CDH12: variants seen among roughly 807,000 people sequenced by gnomAD.
CDH12 encodes the protein cadherin-12.
A neutral mutation model predicts 74.1 loss-of-function variants in CDH12; 41 were observed. The ratio of observed to expected loss-of-function variants is 0.55; its 90% confidence interval spans 0.43 to 0.72. The LOEUF (loss-of-function observed/expected upper bound fraction) is 0.72. CDH12 is among the 30% of genes least tolerant of loss of function. The pLI is 0.00. For synonymous variants in CDH12, 399 were observed against 355.0 expected, an observed-to-expected ratio of 1.12 and a Z score of -1.39; for missense variants, 945 against 977.2, an observed-to-expected ratio of 0.97 and a Z score of 0.44.
rs138385471 is a variant in CDH12 at position 22,426,337 on chromosome 5, T to C, written c.-427-20986A>G. The stretch of plus-strand genomic sequence containing the variant: ...TTTTATATTGTTTTATTTTATTTTT[T>C]ATATTGTTGTGTTTGTTTGTTATCA... On this transcript the variant is annotated intron_variant, in intron 2 of 14. Transcript: ENST00000382254. Among the ~76,000 whole-genome samples, 1,041 of 152,138 alleles carry C rather than the reference T, an allele frequency of 6.8e-3. 12 individuals carry two copies. Among genetic ancestry groups the C allele is most frequent in the African/African-American group, 0.024 (994 of 41,534 alleles).
At chr5:22,307,212 C>A (rs1738151495) in intron 3 of CDH12, among the ~76,000 whole-genome samples, 1 of 152,186 alleles carries the variant, frequency 6.6e-6, no homozygotes, top group Non-Finnish European at 1.5e-5. Context: ...AAGAGCATGG[C>A]TCTGAATTCC....
At chr5:21,951,954 C>T (rs1755882191) in intron 6 of CDH12, among the ~76,000 whole-genome samples, 1 of 152,054 alleles carries the variant, frequency 6.6e-6, no homozygotes, top group Non-Finnish European at 1.5e-5. Flanking sequence ...TAGAACTGAA[C>T]TGGCAGGAAA....
At chr5:22,317,328 TAAA>T (rs1435962694) in intron 3 of CDH12, among the ~76,000 whole-genome samples, 1 of 151,686 alleles carries the variant, frequency 6.6e-6, no homozygotes, top group South Asian at 2.1e-4. Context: ...AAAAAAAAAA[TAAA>T]AAAATTAAGC....
chr5:22,803,206 T>TA (rs1235275010), intron 1 of CDH12, among the ~76,000 whole-genome samples: 8 of 152,218 alleles, frequency 5.3e-5, no homozygotes, highest in African/African-American at 1.7e-4. Flanking sequence ...ATTTTCGTGT[T>TA]AGTCTTCCAC....
Position 22,229,137 on chromosome 5 carries a change from C to CT in CDH12, c.-332-16495dup, listed in dbSNP as rs1238818727. Among the ~76,000 whole-genome samples, 570 of 139,590 alleles carry CT rather than the reference C, an allele frequency of 4.1e-3. 5 individuals carry two copies. Among genetic ancestry groups the CT allele is most frequent in the African/African-American group, 0.012 (454 of 38,306 alleles). The allele number at this position is 139,590 out of a possible 152,430, so 91.6% of individuals were successfully genotyped here. On this transcript the variant is annotated intron_variant, in intron 3 of 14. Coordinates refer to ENST00000382254, the MANE Select transcript of CDH12 (RefSeq NM_004061.5). ...CCCAGTAAATTTACAAATCCTTTTT[C>CT]TTTTTTTTTTTTTAGTATATTCCAC... is the stretch of plus-strand genomic sequence containing the variant.
At chr5:22,410,543 A>G (rs1259194377) in intron 2 of CDH12, among the ~76,000 whole-genome samples, 1 of 152,078 alleles carries the variant, frequency 6.6e-6, no homozygotes, top group Non-Finnish European at 1.5e-5. Context: ...GGCTATCTAT[A>G]TTTTGTTGAT....
At chr5:21,771,513 T>C (rs966661074) in intron 11 of CDH12, among the ~76,000 whole-genome samples, 6 of 152,182 alleles carry the variant, frequency 3.9e-5, no homozygotes, top group African/African-American at 1.4e-4. Context: ...TCAAAGATTT[T>C]CTGATGGGCA....
chr5:22,708,104 G>C (rs1392787360), intron 1 of CDH12, among the ~76,000 whole-genome samples: 1 of 152,060 alleles, frequency 6.6e-6, no homozygotes, highest in Admixed American at 6.6e-5. Context: ...TAATATCTTA[G>C]AAAACTTGCA....
chr5:21,854,187 A>G (rs1750629821), intron 7 of CDH12, among the ~76,000 whole-genome samples: 1 of 151,636 alleles, frequency 6.6e-6, no homozygotes, highest in Non-Finnish European at 1.5e-5. Flanking sequence ...TGATTTTGGT[A>G]TTGCAAGATT....
At position 21,932,862 on chromosome 5, in the gene CDH12, C is replaced by T. The variant is rs545055803; in HGVS notation, c.526+42229G>A. Among the ~76,000 whole-genome samples, 180 of 150,402 alleles carry T rather than the reference C, an allele frequency of 1.2e-3. 1 individual carries two copies. The Middle Eastern group carries it at 0.014, about 11-fold the overall frequency. ...TTGCAATACTAGATAAAATCATGTA[C>T]AATTTTTAAAACATGTACATTGCCA... On this transcript the variant is annotated intron_variant, in intron 6 of 14. Coordinates refer to ENST00000382254, the MANE Select transcript of CDH12 (RefSeq NM_004061.5).
chr5:21,889,257 C>T (rs988703538), intron 6 of CDH12, among the ~76,000 whole-genome samples: 2 of 151,910 alleles, frequency 1.3e-5, no homozygotes, highest in African/African-American at 4.8e-5. Flanking sequence ...ATTTCCAAGC[C>T]AATAAAAAAG....
Position 22,059,345 on chromosome 5 carries a change from A to G in CDH12, c.231+19101T>C, listed in dbSNP as rs1382926633. Among the ~76,000 whole-genome samples the G allele has an allele frequency of 8.9e-3, 805 of 90,656 alleles. 7 individuals carry two copies. The highest frequency in any genetic ancestry group is 0.015 in the South Asian group (37 of 2,496). 59.5% of individuals were successfully genotyped at this position (90,656 alleles called of 152,430 possible). On this transcript the variant is annotated intron_variant, in intron 5 of 14. Coordinates refer to ENST00000382254, the MANE Select transcript of CDH12 (RefSeq NM_004061.5). ...TCTATCGTCTATCTATCATCTATCT[A>G]TCTATCTATCTATCTATCTATCTAT...
intron 3 of CDH12, among the ~76,000 whole-genome samples, chr5:22,352,340 T>C (rs1425483943): frequency 2.6e-5 from 4 of 152,180 alleles, no homozygotes; most frequent in African/African-American, 4.8e-5. Flanking sequence ...ACCTTTTTTT[T>C]CTTCTGATCT....
At chr5:22,056,555 T>C (rs1740757278) in intron 5 of CDH12, among the ~76,000 whole-genome samples, 1 of 152,176 alleles carries the variant, frequency 6.6e-6, no homozygotes. Flanking sequence ...TCGTTGAACA[T>C]AGATAGATTC....
chr5:21,915,925 G>A (rs970317632), intron 6 of CDH12, among the ~76,000 whole-genome samples: 6 of 137,874 alleles, frequency 4.4e-5, no homozygotes, highest in Middle Eastern at 7.6e-3. Context: ...AAGACCTAGA[G>A]GGAGGGGTAG....
chr5:22,276,869 C>G (rs988212105), intron 3 of CDH12, among the ~76,000 whole-genome samples: 1 of 151,986 alleles, frequency 6.6e-6, no homozygotes, highest in Non-Finnish European at 1.5e-5. Context: ...CACTTTATTT[C>G]AATAATGTAT....
intron 6 of CDH12, among the ~76,000 whole-genome samples, chr5:21,915,667 C>T (rs1754051933): frequency 6.6e-6 from 1 of 152,114 alleles, no homozygotes; most frequent in Non-Finnish European, 1.5e-5. Flanking sequence ...AGCCTACCAA[C>T]CAGTGGAGGG....
intron 2 of CDH12, among the ~76,000 whole-genome samples, chr5:22,496,884 T>C (rs1375043460): frequency 3.9e-5 from 6 of 152,166 alleles, no homozygotes; most frequent in Non-Finnish European, 8.8e-5. Context: ...TTCTTGGATA[T>C]CTATTCTCGT....
At chr5:22,633,517 G>C (rs1030265361) in intron 1 of CDH12, among the ~76,000 whole-genome samples, 4 of 152,150 alleles carry the variant, frequency 2.6e-5, no homozygotes, top group Non-Finnish European at 1.5e-5. Context: ...GCATCTAGAG[G>C]ACACTAACAT....
Sources: gnomAD v4.1 joint callset for allele counts (sites outside exome capture counted in the v4.1 genomes callset) on GRCh38, gnomAD v4.1.1 for gene constraint, MANE v1.5 for transcripts, NCBI Gene and HGNC (gene_info 2026-07-23, HGNC 2026-07-21) for gene names.